The following GOPC variants were observed in gnomAD, a reference collection of about 807,000 sequenced individuals.
GOPC encodes golgi associated PDZ and coiled-coil motif containing.
Under a neutral mutation model 51.2 loss-of-function variants are expected in GOPC, and 32 were observed. The observed-to-expected ratio is 0.63, with a 90% confidence interval of 0.47 to 0.84. GOPC has a LOEUF of 0.84. Among genes scored for constraint, GOPC ranks in the 40% least tolerant of loss-of-function variants. The pLI is 0.00. For synonymous variants in GOPC, 190 were observed against 205.1 expected (o/e 0.93, Z 0.63); for missense variants, 441 against 555.5 (o/e 0.79, Z 2.07).
intron 5 of GOPC, among the ~76,000 whole-genome samples, chr6:117,572,519 GGTTAAA>G: frequency 6.6e-6 from 1 of 152,048 alleles, no homozygotes; most frequent in Non-Finnish European, 1.5e-5. Flanking sequence ...ATGATTATCA[GGTTAAA>G]GTTAAAATTC....
chr6:117,574,442 A>C (rs1365244066), intron 4 of GOPC, among the ~76,000 whole-genome samples: 1 of 152,182 alleles, frequency 6.6e-6, no homozygotes, highest in Non-Finnish European at 1.5e-5. Flanking sequence ...TATGATTATG[A>C]TAAAATCATT....
rs760713112 is a variant in GOPC, at chr6:117,575,279, C to G, written c.548G>C (p.Arg183Thr). ...TCTACGAAGGGCTTCATTCTCTTTT[C>G]TCAACAATTTCACTTCAGCTTCAAG... is the stretch of plus-strand genomic sequence containing the variant. ...AQLEAEVKLL[R>T]KENEALRRHI... The change falls in exon 4 of 9, where the codon AGA (arginine) becomes ACA (threonine). Residue 183 changes from arginine (R) to threonine (T), a missense_variant. By Grantham distance (71) the Arg-to-Thr change is moderately conservative. Coordinates refer to ENST00000368498, the MANE Select transcript of GOPC (RefSeq NM_020399.4). The G allele has an allele frequency of 1.2e-6, 2 of 1,613,774 alleles. No individual in the cohort carries two copies. The highest frequency in any genetic ancestry group is 2.2e-5 in the South Asian group (2 of 91,018).
In GOPC at chr6:117,561,087, C is replaced by T. The variant is rs747190541; in HGVS notation, c.*2167G>A. Reference sequence around the variant, plus strand: ...GTAGCATCTGAGCAACGGTGCTCTCCCGTAGGCTTATAAACCACAGTGAAG... The same window carrying T: ...GTAGCATCTGAGCAACGGTGCTCTCTCGTAGGCTTATAAACCACAGTGAAG... On this transcript the variant is annotated 3_prime_UTR_variant, in exon 9 of 9. Transcript: ENST00000368498. The T allele has an allele frequency of 2.1e-4, 48 of 223,502 alleles. No homozygotes were observed. The highest frequency in any genetic ancestry group is 1.6e-3 in the Admixed American group (28 of 17,436). 13.8% of individuals were successfully genotyped at this position (223,502 alleles called of 1,614,324 possible).
At chr6:117,590,137 G>T (rs1455182432) in intron 1 of GOPC, among the ~76,000 whole-genome samples, 1 of 152,146 alleles carries the variant, frequency 6.6e-6, no homozygotes, top group East Asian at 1.9e-4. Context: ...AATCTTTGAA[G>T]ATTTATAGCA....
chr6:117,578,998 C>G lies in GOPC; in HGVS notation c.352G>C (p.Glu118Gln). 6.2e-7 allele frequency: 1 copy of G among 1,611,834 alleles called. No homozygotes were observed. Residue 118 changes from glutamate (E) to glutamine (Q), a missense_variant, in exon 2 of 9, where the codon GAA becomes CAA. Physicochemically the swap from Glu to Gln is conservative, Grantham distance 29 (BLOSUM62 2). Around this residue, in one of 3 missense-constraint regions of GOPC, gnomAD observed 204 missense variants for 219.8 expected, o/e 0.93. Transcript: ENST00000368498. Reference protein sequence around the residue: ...TQAEKVVLEKEVHDQLLQLHS... With the variant: ...TQAEKVVLEKQVHDQLLQLHS... Reference sequence around the variant, plus strand: ...AGCTGTAAAAGCTGATCATGTACTTCTTTCTCCAAAACAACTTTCTCTGCT... The same window carrying G: ...AGCTGTAAAAGCTGATCATGTACTTGTTTCTCCAAAACAACTTTCTCTGCT...
intron 6 of GOPC, among the ~76,000 whole-genome samples, chr6:117,570,219 T>C (rs1439935912): frequency 3.3e-5 from 5 of 150,392 alleles, no homozygotes; most frequent in Non-Finnish European, 4.4e-5. Flanking sequence ...ATGTATGCTC[T>C]TTGAAGGCAG....
chr6:117,582,229 T>C (rs1779968598), intron 1 of GOPC, among the ~76,000 whole-genome samples: 1 of 150,840 alleles, frequency 6.6e-6, no homozygotes, highest in East Asian at 2.0e-4. Flanking sequence ...GTAAGTTCTC[T>C]CTCTCTCTCT....
chr6:117,566,297 C>T (rs933093504), intron 8 of GOPC, among the ~76,000 whole-genome samples: 1 of 152,124 alleles, frequency 6.6e-6, no homozygotes, highest in Non-Finnish European at 1.5e-5. Context: ...CTCAGAGACC[C>T]TCAGAGATCC....
At chr6:117,601,188 T>C (rs1342529473) in intron 1 of GOPC, among the ~76,000 whole-genome samples, 1 of 152,202 alleles carries the variant, frequency 6.6e-6, no homozygotes, top group African/African-American at 2.4e-5. Context: ...TGTTAATCTA[T>C]CTTGATTTCT....
chr6:117,597,033 CCATTT>C (rs1481296946), intron 1 of GOPC, among the ~76,000 whole-genome samples: 3 of 152,078 alleles, frequency 2.0e-5, no homozygotes, highest in Non-Finnish European at 4.4e-5. Flanking sequence ...GGATGTGTTT[CCATTT>C]GTTTGTATCA....
chr6:117,570,806 G>T, intron 6 of GOPC, 54 bp downstream of exon 6: 1 of 753,916 alleles, frequency 1.3e-6, no homozygotes, highest in African/African-American at 1.8e-5. Flanking sequence ...CAACAAAGGA[G>T]CATGATTATA....
chr6:117,566,806 T>C, intron 8 of GOPC, 48 bp downstream of exon 8: 1 of 1,244,634 alleles, frequency 8.0e-7, no homozygotes, highest in Non-Finnish European at 1.1e-6. Flanking sequence ...ATTTTAAACA[T>C]TTAATAATAA....
intron 5 of GOPC, among the ~76,000 whole-genome samples, chr6:117,572,840 T>G (rs1779825586): frequency 6.6e-6 from 1 of 152,230 alleles, no homozygotes; most frequent in Non-Finnish European, 1.5e-5. Context: ...TTTTACTATT[T>G]AAGGCCATAC....
At position 117,575,070 on chromosome 6, in the gene GOPC, C is replaced by A. The variant is rs1583055151; in HGVS notation, c.650+107G>T. 9 of 855,314 alleles carry A rather than the reference C, an allele frequency of 1.1e-5. No individual in the cohort carries two copies. The South Asian group carries it at 1.7e-4, about 16-fold the overall frequency. The allele number at this position is 855,314 out of a possible 1,614,324, so 53.0% of individuals were successfully genotyped here. On this transcript the variant is annotated intron_variant, in intron 4 of 8. Transcript: ENST00000368498. ...CTCCAGCCTGGGCAACAGAGCAAGA[C>A]TCCATCTCAAAAAAATAAAAAATAA...
At chr6:117,569,462 CT>C in intron 7 of GOPC, 109 bp downstream of exon 7, 1 of 1,382,954 alleles carries the variant, frequency 7.2e-7, no homozygotes, top group Admixed American at 2.7e-5. Flanking sequence ...GAAACAAGAA[CT>C]ATGTGTAAAC....
chr6:117,594,968 C>CTTA (rs1453483750), intron 1 of GOPC, among the ~76,000 whole-genome samples: 1 of 152,014 alleles, frequency 6.6e-6, no homozygotes, highest in African/African-American at 2.4e-5. Flanking sequence ...CTACTGTAAA[C>CTTA]CTAAAAGGAA....
intron 1 of GOPC, among the ~76,000 whole-genome samples, chr6:117,587,969 A>C (rs941384777): frequency 5.3e-5 from 8 of 151,892 alleles, no homozygotes; most frequent in African/African-American, 1.9e-4. Flanking sequence ...GGAACTCCTG[A>C]GTAGAAATAA....
At chr6:117,591,526 G>A (rs1163148590) in intron 1 of GOPC, among the ~76,000 whole-genome samples, 8 of 152,220 alleles carry the variant, frequency 5.3e-5, no homozygotes, top group Non-Finnish European at 1.2e-4. Context: ...AGAGCAGAGA[G>A]GAGTGGAGTA....
intron 3 of GOPC, among the ~76,000 whole-genome samples, chr6:117,575,735 C>T (rs1283533159): frequency 6.6e-6 from 1 of 152,130 alleles, no homozygotes; most frequent in Non-Finnish European, 1.5e-5. Context: ...AAAAAAACCA[C>T]GTAAACACTG....
Sources: gnomAD v4.1 joint callset for allele counts (sites outside exome capture counted in the v4.1 genomes callset) on GRCh38, gnomAD v4.1.1 for gene constraint, gnomAD v4.1.1 regional missense constraint, MANE v1.5 for transcripts, NCBI Gene and HGNC (gene_info 2026-07-23, HGNC 2026-07-21) for gene names.